Variants in TSC22D4 observed in about 807,000 individuals in gnomAD.
The protein encoded by TSC22D4 is TSC22 domain family protein 4.
TSC22D4 carries 5 observed loss-of-function variants against 24.9 expected under a neutral mutation model. The ratio of observed to expected loss-of-function variants is 0.20; its 90% CI spans 0.10 to 0.42. The LOEUF is 0.42. Among genes scored for constraint, TSC22D4 ranks in the 10% least tolerant of loss-of-function variants. TSC22D4 has a pLI of 1.00. For synonymous variants in TSC22D4, 245 were observed against 243.2 expected (o/e 1.01, Z -0.07); for missense variants, 469 against 547.9 (o/e 0.86, Z 1.44).
intron 2 of TSC22D4, among the ~76,000 whole-genome samples, chr7:100,475,689 T>C (rs1486680811): frequency 1.3e-5 from 2 of 150,978 alleles, no homozygotes; most frequent in Non-Finnish European, 3.0e-5. Context: ...GGGGAGCTGG[T>C]TGTGGAGCTG....
chr7:100,468,962 A>T (rs1324393306), intron 3 of TSC22D4, among the ~76,000 whole-genome samples: 1 of 151,012 alleles, frequency 6.6e-6, no homozygotes, highest in Non-Finnish European at 1.5e-5. Context: ...GTGGTGGCTC[A>T]CGCTTGTAAT....
intron 3 of TSC22D4, 178 bp from the exon 4 acceptor site, chr7:100,467,778 C>T (rs1563179329): frequency 1.4e-6 from 1 of 725,816 alleles, no homozygotes; most frequent in Non-Finnish European, 2.5e-6. Flanking sequence ...CTCCCAGGCC[C>T]CGGTGGGGCG....
rs1799446502 is a variant in TSC22D4, at chr7:100,474,131, T to C, written c.929+143A>G. 1 of 1,074,574 alleles carries C rather than the reference T, an allele frequency of 9.3e-7. No homozygotes were observed. Among genetic ancestry groups the C allele is most frequent in the South Asian group, 1.5e-5 (1 of 67,334 alleles). The allele number at this position is 1,074,574 out of a possible 1,614,324, so 66.6% of individuals were successfully genotyped here. ...CGAAATCAACTGTGTGCAGTGGCTATGCCCAGGCCAGGTTTCTCTAAGAGG... is the reference window on the plus strand; with the variant it reads ...CGAAATCAACTGTGTGCAGTGGCTACGCCCAGGCCAGGTTTCTCTAAGAGG... On this transcript the variant is annotated intron_variant, in intron 3 of 4. Coordinates refer to ENST00000300181, the MANE Select transcript of TSC22D4 (RefSeq NM_030935.5). This position sits in a 1 kb window ranked among gnomAD's most constrained non-coding sequence, Gnocchi z 4.3.
In TSC22D4 at chr7:100,466,727, T is replaced by G; in HGVS notation, c.*232A>C. 1 of 540,962 alleles carries G rather than the reference T, an allele frequency of 1.8e-6. No homozygotes were observed. The highest frequency in any genetic ancestry group is 3.2e-6 in the Non-Finnish European group (1 of 307,928). 33.5% of individuals were successfully genotyped at this position (540,962 alleles called of 1,614,324 possible). On this transcript the variant is annotated 3_prime_UTR_variant, in exon 5 of 5. Transcript: ENST00000300181. ...GGGGTCCCAGGAGGGAGGGTGGGGGTTGGTTCCCTCCCAGAGGGGGCTCCC... is the reference window on the plus strand; with the variant it reads ...GGGGTCCCAGGAGGGAGGGTGGGGGGTGGTTCCCTCCCAGAGGGGGCTCCC...
At chr7:100,473,209 C>G (rs1034077723) in intron 3 of TSC22D4, among the ~76,000 whole-genome samples, 1 of 152,144 alleles carries the variant, frequency 6.6e-6, no homozygotes, top group Non-Finnish European at 1.5e-5. Flanking sequence ...AAGTCGCTCT[C>G]TGCAGTGCTG....
In TSC22D4 at chr7:100,474,174, CT is replaced by C; in HGVS notation, c.929+99del. On this transcript the variant is annotated intron_variant, in intron 3 of 4. Coordinates refer to ENST00000300181, the MANE Select transcript of TSC22D4 (RefSeq NM_030935.5). This position sits in a 1 kb window ranked among gnomAD's most constrained non-coding sequence, Gnocchi z 4.3. ...CTAAGAGGTCCTCTCCAAGTTCAAC[CT>C]GGGGGAAGGATGCCTACCAGGCACT... The C allele has an allele frequency of 1.3e-6, 2 of 1,506,702 alleles. No individual in the cohort carries two copies. Among genetic ancestry groups the C allele is most frequent in the Non-Finnish European group, 1.8e-6 (2 of 1,107,212 alleles). 93.3% of individuals were successfully genotyped at this position (1,506,702 alleles called of 1,614,324 possible).
At position 100,478,104 on chromosome 7, in the gene TSC22D4, C is replaced by T. The variant is rs1049979965; in HGVS notation, c.-66G>A. 1.4e-5 allele frequency: 19 copies of T among 1,405,762 alleles called. No individual in the cohort carries two copies. Among genetic ancestry groups the T allele is most frequent in the Non-Finnish European group, 1.7e-5 (18 of 1,041,912 alleles). 87.1% of individuals were successfully genotyped at this position (1,405,762 alleles called of 1,614,324 possible). A position where few individuals can be genotyped will look rare whatever the true frequency, so the allele number is the denominator to read the frequency against. On this transcript the variant is annotated 5_prime_UTR_variant, in exon 2 of 5. Coordinates refer to ENST00000300181, the MANE Select transcript of TSC22D4 (RefSeq NM_030935.5). The stretch of plus-strand genomic sequence containing the variant: ...TTGGGGCTCCTTGAAGGGGCTCAGG[C>T]ACCCCTGGAACAAGGGGGCCACATG...
chr7:100,471,155 A>G (rs1368464756), intron 3 of TSC22D4, among the ~76,000 whole-genome samples: 1 of 146,244 alleles, frequency 6.8e-6, no homozygotes, highest in Non-Finnish European at 1.5e-5. Context: ...GGGGCCAAGA[A>G]AGTGTCATCC....
At chr7:100,472,727 A>G (rs1371626776) in intron 3 of TSC22D4, among the ~76,000 whole-genome samples, 1 of 128,734 alleles carries the variant, frequency 7.8e-6, no homozygotes, top group African/African-American at 2.9e-5. Context: ...CCCACCCAGC[A>G]CTGGCACTCT....
Position 100,477,200 on chromosome 7 carries a change from G to GC in TSC22D4, c.762+76_762+77insG, listed in dbSNP as rs1563183293. On this transcript the variant is annotated intron_variant, in intron 2 of 4. Transcript: ENST00000300181. This position sits in a 1 kb window ranked among gnomAD's most constrained non-coding sequence, Gnocchi z 7.8. ...GTGATGGAGAAGGAGGAGGAGAGGGGGGGGAGGAGGAGGAAGGAGGCTCAA... is the reference window on the plus strand; with the variant it reads ...GTGATGGAGAAGGAGGAGGAGAGGGGCGGGGAGGAGGAGGAAGGAGGCTCAA... 1.2e-5 allele frequency: 14 copies of GC among 1,184,566 alleles called. No homozygotes were observed. Among genetic ancestry groups the GC allele is most frequent in the African/African-American group, 1.6e-5 (1 of 63,292 alleles). 73.4% of individuals were successfully genotyped at this position (1,184,566 alleles called of 1,614,324 possible).
At chr7:100,467,636 G>A (rs377370103) in intron 3 of TSC22D4, 36 bp from the exon 4 acceptor site, 140 of 1,608,328 alleles carry the variant, frequency 8.7e-5, no homozygotes, top group Non-Finnish European at 1.1e-4. Context: ...GAGGAGAGGA[G>A]AAGCCTTCCC....
At position 100,474,904 on chromosome 7, in the gene TSC22D4, C is replaced by T. The variant is rs538354935; in HGVS notation, c.763-464G>A. On this transcript the variant is annotated intron_variant, in intron 2 of 4. Coordinates refer to ENST00000300181, the MANE Select transcript of TSC22D4 (RefSeq NM_030935.5). The surrounding 1 kb of genome is among the most constrained non-coding windows in gnomAD (Gnocchi z 4.3). Reference sequence around the variant, plus strand: ...GCAGCCTTGAATTCCTGAGCTTAAGCGATCCTCCAGCCTCAGCCACCCGAG... The same window carrying T: ...GCAGCCTTGAATTCCTGAGCTTAAGTGATCCTCCAGCCTCAGCCACCCGAG... Among the ~76,000 whole-genome samples the T allele has an allele frequency of 8.3e-4, 127 of 152,216 alleles. No homozygotes were observed. Among genetic ancestry groups the T allele is most frequent in the Middle Eastern group, 3.4e-3 (1 of 294 alleles).
Position 100,478,169 on chromosome 7 carries a change from A to C in TSC22D4, c.-131T>G. 1 of 569,700 alleles carries C rather than the reference A, an allele frequency of 1.8e-6. No homozygotes were observed. The highest frequency in any genetic ancestry group is 2.7e-6 in the Non-Finnish European group (1 of 373,454). 35.3% of individuals were successfully genotyped at this position (569,700 alleles called of 1,614,324 possible). On this transcript the variant is annotated 5_prime_UTR_variant, in exon 2 of 5. An upstream start codon of the reference 5' UTR is lost. Transcript: ENST00000300181. ...GCCCCTGGGGACGTCTGGGTCCGAC[A>C]TGGCAGGAGGGCCTGGCGGGAACCG...
chr7:100,478,121 G>A lies in TSC22D4; in HGVS notation c.-83C>T. The A allele has an allele frequency of 8.1e-7, 1 of 1,238,476 alleles. No individual in the cohort carries two copies. The highest frequency in any genetic ancestry group is 1.1e-6 in the Non-Finnish European group (1 of 906,442). 76.7% of individuals were successfully genotyped at this position (1,238,476 alleles called of 1,614,324 possible). A position where few individuals can be genotyped will look rare whatever the true frequency, so the allele number is the denominator to read the frequency against. On this transcript the variant is annotated 5_prime_UTR_variant, in exon 2 of 5. Coordinates refer to ENST00000300181, the MANE Select transcript of TSC22D4 (RefSeq NM_030935.5). ...GGCTCAGGCACCCCTGGAACAAGGG[G>A]GCCACATGGCGGGGACATCCGAGCC...
chr7:100,468,095 A>G (rs1286827423), intron 3 of TSC22D4: 1 of 377,346 alleles, frequency 2.7e-6, no homozygotes, highest in South Asian at 2.0e-5. Context: ...GCTGGCCTGA[A>G]AGATATACAC....
At position 100,478,142 on chromosome 7, in the gene TSC22D4, G is replaced by A. The variant is rs542872816; in HGVS notation, c.-104C>T. 7.8e-6 allele frequency: 8 copies of A among 1,026,752 alleles called. No homozygotes were observed. The highest frequency in any genetic ancestry group is 3.3e-5 in the South Asian group (2 of 60,406). The allele number at this position is 1,026,752 out of a possible 1,614,324, so 63.6% of individuals were successfully genotyped here. The stretch of plus-strand genomic sequence containing the variant: ...AGGGGGCCACATGGCGGGGACATCC[G>A]AGCCCCTGGGGACGTCTGGGTCCGA... On this transcript the variant is annotated 5_prime_UTR_variant, in exon 2 of 5. Transcript: ENST00000300181.
intron 3 of TSC22D4, among the ~76,000 whole-genome samples, chr7:100,472,306 G>A (rs1799406821): frequency 6.6e-6 from 1 of 152,084 alleles, no homozygotes; most frequent in Non-Finnish European, 1.5e-5. Context: ...TGGCAGGGTG[G>A]GGCTTGAGGG....
rs1297543093 is a variant in TSC22D4, at chr7:100,478,032, C to CG, written c.6dup (p.Gly3ArgfsTer7). 1 of 1,591,910 alleles carries CG rather than the reference C, an allele frequency of 6.3e-7. No homozygotes were observed. Among genetic ancestry groups the CG allele is most frequent in the African/African-American group, 1.3e-5 (1 of 74,506 alleles). ...TGGAAACTACTCTTCTTCTTGCCCC[C>CG]GCTCATGGTCCCTGGGGCTCAGGGC... On this transcript the variant is annotated frameshift_variant, in exon 2 of 5. Coordinates refer to ENST00000300181, the MANE Select transcript of TSC22D4 (RefSeq NM_030935.5). LOFTEE classifies it high-confidence loss of function.
In TSC22D4 at chr7:100,477,867, G is replaced by A. The variant is rs1341081422; in HGVS notation, c.172C>T (p.Pro58Ser). Residue 58 changes from proline (P) to serine (S), a missense_variant, in exon 2 of 5, where the codon CCC becomes TCC. Physicochemically the swap from Pro to Ser is moderately conservative, Grantham distance 74. Coordinates refer to ENST00000300181, the MANE Select transcript of TSC22D4 (RefSeq NM_030935.5). The surrounding 1 kb of genome is among the most constrained non-coding windows in gnomAD (Gnocchi z 7.8). ...CCAGGTGGTGGGGAGCCATTCCGGG[G>A]GGTGCCCTTGCCCCCCGGATCGGGG... Reference protein sequence around the residue: ...PSPDPGGKGTPRNGSPPPGAP... With the variant: ...PSPDPGGKGTSRNGSPPPGAP... The A allele has an allele frequency of 6.3e-7, 1 of 1,587,582 alleles. No individual in the cohort carries two copies. The highest frequency in any genetic ancestry group is 1.3e-5 in the African/African-American group (1 of 74,528).
Sources: gnomAD v4.1 joint callset for allele counts (sites outside exome capture counted in the v4.1 genomes callset) on GRCh38, gnomAD v4.1.1 for gene constraint, Gnocchi (gnomAD v3.1) non-coding constraint, MANE v1.5 for transcripts, NCBI Gene and HGNC (gene_info 2026-07-23, HGNC 2026-07-21) for gene names.